Variants in ZZZ3 observed in about 807,000 individuals in gnomAD.
ZZZ3 encodes zinc finger ZZ-type containing 3, also known as ZZ-type zinc finger-containing protein 3.
ZZZ3 carries 22 observed loss-of-function variants against 95.2 expected under a neutral mutation model. The ratio of observed to expected loss-of-function variants is 0.23; its 90% CI spans 0.17 to 0.33. ZZZ3 has a LOEUF of 0.33. ZZZ3 is among the 10% of genes least tolerant of loss of function. The pLI, the probability that ZZZ3 is intolerant of heterozygous loss-of-function variation, is 1.00. For missense variants in ZZZ3, 885 were observed against 1,066.5 expected (o/e 0.83, Z 2.37); for synonymous variants, 335 against 358.9 (o/e 0.93, Z 0.75).
rs529395414 is a variant in ZZZ3, at chr1:77,616,804, T to C, written c.1505+15046A>G. Among the ~76,000 whole-genome samples, 10 of 152,072 alleles carry C rather than the reference T, an allele frequency of 6.6e-5. No individual in the cohort carries two copies. The South Asian group carries it at 1.9e-3, about 28-fold the overall frequency. On this transcript the variant is annotated intron_variant, in intron 5 of 14. Transcript: ENST00000370801. ...ATCGCTGGAACCCAGGAGGCGGAGG[T>C]TGCAGTGAGCCAAGATCGCGCCACT...
Position 77,633,304 on chromosome 1 carries a change from G to T in ZZZ3, c.51C>A (p.Asn17Lys), listed in dbSNP as rs1396828429. Residue 17 changes from asparagine (N) to lysine (K), a missense_variant, in exon 5 of 15, where the codon AAC becomes AAA. Transcript: ENST00000370801. ...TRVTRSTVGL[N>K]GLDESFCGRT... ...TACCACAAAAAGATTCATCCAAGCC[G>T]TTTAACCCCACTGTTGATCTTGTAA... The T allele has an allele frequency of 6.2e-7, 1 of 1,613,650 alleles. No homozygotes were observed. Among genetic ancestry groups the T allele is most frequent in the South Asian group, 1.1e-5 (1 of 91,002 alleles).
At chr1:77,627,281 C>A (rs546618757) in intron 5 of ZZZ3, among the ~76,000 whole-genome samples, 2 of 152,172 alleles carry the variant, frequency 1.3e-5, no homozygotes, top group Non-Finnish European at 2.9e-5. Context: ...TGTCTACTTT[C>A]AAACTGTCAT....
At chr1:77,620,253 A>G (rs1294676995) in intron 5 of ZZZ3, among the ~76,000 whole-genome samples, 1 of 152,214 alleles carries the variant, frequency 6.6e-6, no homozygotes, top group Non-Finnish European at 1.5e-5. Context: ...TCAAGATTCA[A>G]TTGGAATAGA....
rs751796697 is a variant in ZZZ3 at position 77,566,178 on chromosome 1, C to T, written c.2470G>A (p.Asp824Asn). ...TGGATGGGTTCTATGCCACAGTTAT[C>T]ACACTATAACAGATTCAGAGAGAAA... Reference protein sequence around the residue: ...GFVQHVGFKCDNCGIEPIQGV... With the variant: ...GFVQHVGFKCNNCGIEPIQGV... The change falls in exon 14 of 15, where the codon GAT becomes AAT. Residue 824 changes from aspartate to asparagine, a missense_variant. Physicochemically the swap from Asp to Asn is conservative, Grantham distance 23. Coordinates refer to ENST00000370801, the MANE Select transcript of ZZZ3 (RefSeq NM_015534.6). 21 of 1,601,030 alleles carry T rather than the reference C, an allele frequency of 1.3e-5. No individual in the cohort carries two copies. The East Asian group carries it at 4.5e-4, about 34-fold the overall frequency.
intron 4 of ZZZ3, among the ~76,000 whole-genome samples, chr1:77,638,922 G>A (rs1015326433): frequency 2.0e-5 from 3 of 152,210 alleles, no homozygotes; most frequent in Non-Finnish European, 2.9e-5. Flanking sequence ...GTAAAACCTG[G>A]CTGGTAACCC....
chr1:77,623,425 T>C (rs1431824160), intron 5 of ZZZ3, among the ~76,000 whole-genome samples: 3 of 152,278 alleles, frequency 2.0e-5, no homozygotes, highest in South Asian at 2.1e-4. Flanking sequence ...AGGAGCTATA[T>C]AAAGAACAAC....
chr1:77,611,941 A>G (rs1340546074), intron 5 of ZZZ3, among the ~76,000 whole-genome samples: 1 of 152,060 alleles, frequency 6.6e-6, no homozygotes, highest in African/African-American at 2.4e-5. Context: ...GTAATACACA[A>G]AAAGCTTAGC....
chr1:77,615,031 G>A (rs1666173731), intron 5 of ZZZ3: 1 of 152,218 alleles, frequency 6.6e-6, no homozygotes, highest in Admixed American at 6.5e-5. Context: ...GTGGCAGCAA[G>A]AGTGGAGGAA....
At position 77,619,648 on chromosome 1, in the gene ZZZ3, G is replaced by C. The variant is rs74323829; in HGVS notation, c.1505+12202C>G. On this transcript the variant is annotated intron_variant, in intron 5 of 14. Transcript: ENST00000370801. ...ACAATGACTTCTCTTTGGGAGTCTG[G>C]TATTATTAAAAACTGAACTTACATT... is the stretch of plus-strand genomic sequence containing the variant. Among the ~76,000 whole-genome samples, 1,174 of 152,022 alleles carry C rather than the reference G, an allele frequency of 7.7e-3. 16 individuals carry two copies. Among genetic ancestry groups the C allele is most frequent in the African/African-American group, 0.026 (1,096 of 41,492 alleles).
At chr1:77,677,156 T>G (rs1038245655) in intron 1 of ZZZ3, 17 of 152,264 alleles carry the variant, frequency 1.1e-4, no homozygotes, top group African/African-American at 4.1e-4. Flanking sequence ...CTGACTAACA[T>G]GGTGAAACCC....
Position 77,568,354 on chromosome 1 carries a change from A to C in ZZZ3, c.2444T>G (p.Phe815Cys). The C allele has an allele frequency of 1.9e-6, 3 of 1,592,476 alleles. No individual in the cohort carries two copies. The highest frequency in any genetic ancestry group is 2.6e-6 in the Non-Finnish European group (3 of 1,173,534). ...KLQQMQAESG[F>C]VQHVGFKCDN... Reference sequence around the variant, plus strand: ...TACCTTAAAGCCCACATGTTGCACAAATCCACTTTCAGCTTGCATTTGCTG... The same window carrying C: ...TACCTTAAAGCCCACATGTTGCACACATCCACTTTCAGCTTGCATTTGCTG... Residue 815 changes from phenylalanine (F) to cysteine (C), a missense_variant, in exon 13 of 15, where the codon TTT (phenylalanine) becomes TGT (cysteine). By Grantham distance (205) the Phe-to-Cys change is radical (BLOSUM62 -2). Coordinates refer to ENST00000370801, the MANE Select transcript of ZZZ3 (RefSeq NM_015534.6).
At chr1:77,623,082 A>T (rs1384636464) in intron 5 of ZZZ3, among the ~76,000 whole-genome samples, 1 of 152,212 alleles carries the variant, frequency 6.6e-6, no homozygotes, top group Non-Finnish European at 1.5e-5. Context: ...ACAAATAATA[A>T]CTATTTCCAA....
chr1:77,567,205 G>C (rs1243529991), intron 13 of ZZZ3, among the ~76,000 whole-genome samples: 1 of 152,228 alleles, frequency 6.6e-6, no homozygotes, highest in African/African-American at 2.4e-5. Flanking sequence ...GTCCAACCAA[G>C]TCAATTCTAA....
At position 77,632,451 on chromosome 1, in the gene ZZZ3, C is replaced by A; in HGVS notation, c.904G>T (p.Gly302Trp). Residue 302 changes from glycine to tryptophan, a missense_variant, in exon 5 of 15, where the codon GGG becomes TGG. Around this residue, in one of 5 missense-constraint regions of ZZZ3, gnomAD observed 556 missense variants for 652.9 expected, o/e 0.85. Coordinates refer to ENST00000370801, the MANE Select transcript of ZZZ3 (RefSeq NM_015534.6). The part of the protein sequence containing the change: ...VNQLTTEPAT[G>W]PFSETQSSLR... The stretch of plus-strand genomic sequence containing the variant: ...GATGACTGAGTTTCAGAAAAGGGCC[C>A]TGTAGCTGGCTCAGTAGTCAGCTGA... 6.2e-7 allele frequency: 1 copy of A among 1,614,140 alleles called. No homozygotes were observed. The highest frequency in any genetic ancestry group is 8.5e-7 in the Non-Finnish European group (1 of 1,180,020).
chr1:77,584,984 A>T (rs897202253), intron 5 of ZZZ3: 4 of 160,988 alleles, frequency 2.5e-5, no homozygotes, highest in African/African-American at 9.6e-5. Flanking sequence ...ATATAATTAA[A>T]ATGATAAAAT....
At chr1:77,657,218 G>C (rs930905880) in intron 1 of ZZZ3, among the ~76,000 whole-genome samples, 2 of 152,176 alleles carry the variant, frequency 1.3e-5, no homozygotes, top group African/African-American at 4.8e-5. Flanking sequence ...CTGGCATCAA[G>C]TGATCCACCC....
intron 5 of ZZZ3, among the ~76,000 whole-genome samples, chr1:77,588,125 CAGG>C (rs1557702609): frequency 6.6e-6 from 1 of 152,192 alleles, no homozygotes; most frequent in South Asian, 2.1e-4. Context: ...TTCAACTACA[CAGG>C]AGGTCTATGC....
At chr1:77,578,016 T>A (rs1344516073) in intron 11 of ZZZ3, among the ~76,000 whole-genome samples, 1 of 152,086 alleles carries the variant, frequency 6.6e-6, no homozygotes, top group Non-Finnish European at 1.5e-5. Context: ...AAGTGTGGCA[T>A]CAGAATGGGA....
chr1:77,630,206 T>C (rs1041744810), intron 5 of ZZZ3, among the ~76,000 whole-genome samples: 37 of 152,298 alleles, frequency 2.4e-4, no homozygotes, highest in African/African-American at 7.9e-4. Flanking sequence ...CCAGGTGCAG[T>C]GGCTCATGCC....
Sources: gnomAD v4.1 joint callset for allele counts (sites outside exome capture counted in the v4.1 genomes callset) on GRCh38, gnomAD v4.1.1 for gene constraint, gnomAD v4.1.1 regional missense constraint, MANE v1.5 for transcripts, NCBI Gene and HGNC (gene_info 2026-07-23, HGNC 2026-07-21) for gene names.